UBASH3B: variants seen among roughly 807,000 people sequenced by gnomAD.
The protein encoded by UBASH3B is ubiquitin-associated and SH3 domain-containing protein B.
In UBASH3B, 37 loss-of-function variants were observed where a neutral mutation model predicts 83.4. That is an observed-to-expected ratio of 0.44 (90% CI 0.34 to 0.58). The LOEUF (loss-of-function observed/expected upper bound fraction) is 0.58, where lower values mean the gene tolerates loss of function less well. Among genes scored for constraint, UBASH3B ranks in the 20% least tolerant of loss-of-function variants. The pLI is 0.01. For synonymous variants in UBASH3B, 304 were observed against 318.3 expected, an observed-to-expected ratio of 0.96 and a Z score of 0.48; for missense variants, 657 against 827.2, an observed-to-expected ratio of 0.79 and a Z score of 2.52.
chr11:122,800,069 A>G (rs554954112), intron 10 of UBASH3B, among the ~76,000 whole-genome samples: 1 of 152,342 alleles, frequency 6.6e-6, no homozygotes, highest in African/African-American at 2.4e-5. Flanking sequence ...TATTTCTAGG[A>G]AGCCAGTTAC....
rs191754366 is a variant in UBASH3B, at chr11:122,763,975, G to C, written c.162-12244G>C. On this transcript the variant is annotated intron_variant, in intron 1 of 13. Coordinates refer to ENST00000284273, the MANE Select transcript of UBASH3B (RefSeq NM_032873.5). Reference sequence around the variant, plus strand: ...TTACTGGCCTTGGTGATAAAAAGTAGCTGGACTTCCTTGTATGAAAGTGAT... The same window carrying C: ...TTACTGGCCTTGGTGATAAAAAGTACCTGGACTTCCTTGTATGAAAGTGAT... 5.9e-5 allele frequency among the ~76,000 whole-genome samples: 9 copies of C among 152,318 alleles called. No homozygotes were observed. In the East Asian group the frequency reaches 1.7e-3, roughly 29 times the overall value.
chr11:122,793,155 G>C (rs1861089326), intron 6 of UBASH3B, among the ~76,000 whole-genome samples: 1 of 152,208 alleles, frequency 6.6e-6, no homozygotes, highest in Non-Finnish European at 1.5e-5. Flanking sequence ...AGGCCAAGCA[G>C]GCAGATCACC....
intron 6 of UBASH3B, among the ~76,000 whole-genome samples, chr11:122,790,434 CA>C (rs1861033720): frequency 6.6e-6 from 1 of 152,174 alleles, no homozygotes; most frequent in South Asian, 2.1e-4. Context: ...TTATGTTCCC[CA>C]AACATTTTGC....
chr11:122,807,985 G>A, intron 12 of UBASH3B, 82 bp from the exon 13 acceptor site: 2 of 1,058,474 alleles, frequency 1.9e-6, no homozygotes, highest in South Asian at 1.3e-5. Flanking sequence ...CCCCTGCAGA[G>A]CATTTAGTTA....
intron 1 of UBASH3B, among the ~76,000 whole-genome samples, chr11:122,684,445 G>C (rs1863784006): frequency 6.6e-6 from 1 of 152,238 alleles, no homozygotes; most frequent in African/African-American, 2.4e-5. Flanking sequence ...AAGAGCTGCA[G>C]AGAAGAGTGT....
chr11:122,659,442 C>T (rs1270230480), intron 1 of UBASH3B, among the ~76,000 whole-genome samples: 1 of 152,152 alleles, frequency 6.6e-6, no homozygotes, highest in East Asian at 1.9e-4. Flanking sequence ...GGACTCCTTG[C>T]CCAGGCTTGC....
chr11:122,769,327 C>T (rs2135129049), intron 1 of UBASH3B, among the ~76,000 whole-genome samples: 1 of 152,322 alleles, frequency 6.6e-6, no homozygotes, highest in African/African-American at 2.4e-5. Flanking sequence ...ATGAGCAATC[C>T]ACTTCCATGA....
intron 1 of UBASH3B, among the ~76,000 whole-genome samples, chr11:122,738,098 C>A (rs1021215296): frequency 6.6e-6 from 1 of 152,130 alleles, no homozygotes. Context: ...TGGGAAATGC[C>A]GTTGAGAGGT....
intron 1 of UBASH3B, among the ~76,000 whole-genome samples, chr11:122,762,735 T>C (rs560186712): frequency 1.3e-5 from 2 of 152,344 alleles, no homozygotes; most frequent in East Asian, 3.9e-4. Context: ...GGAGGTTTTC[T>C]CTCTCCCTGA....
At chr11:122,707,403 C>T (rs1322336984) in intron 1 of UBASH3B, among the ~76,000 whole-genome samples, 1 of 152,158 alleles carries the variant, frequency 6.6e-6, no homozygotes, top group Non-Finnish European at 1.5e-5. Flanking sequence ...TGCAAGAGAA[C>T]AAATTTGCCT....
chr11:122,794,748 G>C lies in UBASH3B; in HGVS notation c.1027G>C (p.Gly343Arg). The C allele has an allele frequency of 6.2e-7, 1 of 1,614,096 alleles. No individual in the cohort carries two copies. Among genetic ancestry groups the C allele is most frequent in the Non-Finnish European group, 8.5e-7 (1 of 1,180,002 alleles). Residue 343 changes from glycine to arginine, a missense_variant, in exon 7 of 14, where the codon GGG (glycine) becomes CGG (arginine). Gly to Arg is a moderately radical substitution (Grantham distance 125). Coordinates refer to ENST00000284273, the MANE Select transcript of UBASH3B (RefSeq NM_032873.5). ...ATCGTCATCCAACTCTCTCACGTTT[G>C]GGGATGGAGTATTGGAGAGGCGGCC... is the stretch of plus-strand genomic sequence containing the variant. ...NTSSSNSLTF[G>R]DGVLERRPYE...
At chr11:122,687,403 T>G (rs1395579190) in intron 1 of UBASH3B, among the ~76,000 whole-genome samples, 1 of 152,180 alleles carries the variant, frequency 6.6e-6, no homozygotes, top group Non-Finnish European at 1.5e-5. Flanking sequence ...GATTCAAACC[T>G]TCCACTTAAC....
chr11:122,806,467 T>C lies in UBASH3B; in HGVS notation c.1653T>C (p.Ser551=). Residue 551 remains serine (S), a synonymous_variant, in exon 12 of 14, where the codon AGT becomes AGC. Transcript: ENST00000284273. This position sits in a 1 kb window ranked among gnomAD's most constrained non-coding sequence, Gnocchi z 4.0. ...VVSESYDTYI[S]RSFQVTKEII... ...CAGAATCCTATGATACTTATATCAG[T>C]AGAAGTTTCCAAGTAACAAAAGAAA... is the stretch of plus-strand genomic sequence containing the variant. The C allele has an allele frequency of 6.2e-7, 1 of 1,607,132 alleles. No individual in the cohort carries two copies.
At chr11:122,671,244 G>T (rs918094685) in intron 1 of UBASH3B, among the ~76,000 whole-genome samples, 78 of 152,206 alleles carry the variant, frequency 5.1e-4, no homozygotes, top group African/African-American at 1.6e-3. Context: ...AAAATCCATG[G>T]GCCAGGCGCA....
intron 1 of UBASH3B, among the ~76,000 whole-genome samples, chr11:122,727,322 GC>G (rs1363453459): frequency 2.0e-5 from 3 of 152,182 alleles, no homozygotes; most frequent in Non-Finnish European, 2.9e-5. Flanking sequence ...GCTGTAATTA[GC>G]TAGAATTGCA....
chr11:122,777,173 A>G lies in UBASH3B; in HGVS notation c.365A>G (p.Asn122Ser). Residue 122 changes from asparagine (N) to serine (S), a missense_variant, in exon 3 of 14, where the codon AAC (asparagine) becomes AGC (serine). Physicochemically the swap from Asn to Ser is conservative, Grantham distance 46 (BLOSUM62 1). Coordinates refer to ENST00000284273, the MANE Select transcript of UBASH3B (RefSeq NM_032873.5). ...KQICGKNKAHNIFPHITLCQF... is the reference protein window; with the variant it reads ...KQICGKNKAHSIFPHITLCQF... ...ATCTGCGGGAAGAACAAGGCACACA[A>G]CATCTTCCCCCACATCACACTCTGC... The G allele has an allele frequency of 6.2e-7, 1 of 1,613,764 alleles. No homozygotes were observed. Among genetic ancestry groups the G allele is most frequent in the Non-Finnish European group, 8.5e-7 (1 of 1,179,854 alleles).
At chr11:122,720,132 C>T (rs954655674) in intron 1 of UBASH3B, among the ~76,000 whole-genome samples, 1 of 152,180 alleles carries the variant, frequency 6.6e-6, no homozygotes, top group East Asian at 1.9e-4. Context: ...TTACATCCCC[C>T]ACCCAGTCCT....
chr11:122,677,439 T>G (rs1863682633), intron 1 of UBASH3B, among the ~76,000 whole-genome samples: 1 of 152,306 alleles, frequency 6.6e-6, no homozygotes, highest in South Asian at 2.1e-4. Context: ...AGAATGTGTT[T>G]ATGTGCGTCT....
At chr11:122,731,862 T>C (rs1860849426) in intron 1 of UBASH3B, among the ~76,000 whole-genome samples, 1 of 152,230 alleles carries the variant, frequency 6.6e-6, no homozygotes, top group African/African-American at 2.4e-5. Flanking sequence ...CTGAGGTTTT[T>C]GTACCCAGAC....
Sources: gnomAD v4.1 joint callset for allele counts (sites outside exome capture counted in the v4.1 genomes callset) on GRCh38, gnomAD v4.1.1 for gene constraint, Gnocchi (gnomAD v3.1) non-coding constraint, MANE v1.5 for transcripts, NCBI Gene and HGNC (gene_info 2026-07-23, HGNC 2026-07-21) for gene names.